The following CAST variants were observed in gnomAD, a reference collection of about 807,000 sequenced individuals.
CAST encodes MIR583 host.
CAST carries 76 observed loss-of-function variants against 119.6 expected under a neutral mutation model. That is an observed-to-expected ratio of 0.64 (90% CI 0.53 to 0.77). CAST has a LOEUF of 0.77. Among genes scored for constraint, CAST ranks in the 30% least tolerant of loss-of-function variants. The pLI, the probability that CAST is intolerant of heterozygous loss-of-function variation, is 0.00. For synonymous variants in CAST, 319 were observed against 331.6 expected (o/e 0.96, Z 0.41); for missense variants, 953 against 946.5 (o/e 1.01, Z -0.09).
intron 1 of CAST, among the ~76,000 whole-genome samples, chr5:96,561,827 C>T (rs1241354180): frequency 1.0e-5 from 1 of 97,126 alleles, no homozygotes; most frequent in Non-Finnish European, 1.9e-5. Flanking sequence ...GAGTCTCGCT[C>T]TGTCGCCCAG....
chr5:96,365,618 T>C, the CAST span, among the ~76,000 whole-genome samples: 1 of 152,236 alleles, frequency 6.6e-6, no homozygotes, highest in Non-Finnish European at 1.5e-5. Context: ...TGGTTTAAAG[T>C]CTGTTTTATC....
At chr5:96,565,559 G>A (rs569490321) in intron 1 of CAST, among the ~76,000 whole-genome samples, 2 of 152,240 alleles carry the variant, frequency 1.3e-5, no homozygotes, top group African/African-American at 4.8e-5. Flanking sequence ...ATGATCCTTG[G>A]ACCACTATAA....
chr5:96,221,058 C>T, the CAST span, among the ~76,000 whole-genome samples: 4 of 152,152 alleles, frequency 2.6e-5, no homozygotes, highest in Non-Finnish European at 5.9e-5. Context: ...ACTTGAATGT[C>T]ACTTTGCCCT....
intron 2 of CAST, among the ~76,000 whole-genome samples, chr5:96,691,346 A>T (rs551189498): frequency 2.6e-5 from 4 of 151,738 alleles, no homozygotes; most frequent in African/African-American, 9.6e-5. Flanking sequence ...TCTCAAAAAA[A>T]TCAAACTGTT....
chr5:96,667,385 A>G (rs753430656), intron 1 of CAST, among the ~76,000 whole-genome samples: 13 of 152,228 alleles, frequency 8.5e-5, no homozygotes, highest in Non-Finnish European at 1.3e-4. Context: ...CATTTCTCAT[A>G]GATAAAACTA....
At chr5:96,633,847 A>G (rs2150202277) in intron 1 of CAST, among the ~76,000 whole-genome samples, 1 of 152,322 alleles carries the variant, frequency 6.6e-6, no homozygotes, top group East Asian at 1.9e-4. Flanking sequence ...CACACTCTAC[A>G]TCAGTCGTTC....
At chr5:96,517,592 G>A in the CAST span, among the ~76,000 whole-genome samples, 1 of 152,212 alleles carries the variant, frequency 6.6e-6, no homozygotes, top group Non-Finnish European at 1.5e-5. Flanking sequence ...AGCTGGAGAC[G>A]AGTTGTGTCA....
the CAST span, among the ~76,000 whole-genome samples, chr5:96,121,826 G>C: frequency 6.6e-6 from 1 of 152,022 alleles, no homozygotes; most frequent in Non-Finnish European, 1.5e-5. Flanking sequence ...TACTAAGCAA[G>C]GTGCTTTGAT....
At chr5:96,203,480 CAT>C in the CAST span, among the ~76,000 whole-genome samples, 17 of 151,980 alleles carry the variant, frequency 1.1e-4, no homozygotes, top group African/African-American at 3.1e-4. Context: ...AAATTTGTGA[CAT>C]ATGTGTTTAT....
the CAST span, among the ~76,000 whole-genome samples, chr5:96,040,020 C>A: frequency 6.6e-6 from 1 of 152,134 alleles, no homozygotes. Flanking sequence ...AATGTTTTTA[C>A]ATTTGTTTGT....
the CAST span, among the ~76,000 whole-genome samples, chr5:96,156,847 GT>G: frequency 6.6e-6 from 1 of 152,152 alleles, no homozygotes; most frequent in Non-Finnish European, 1.5e-5. Context: ...TCCAGACCCA[GT>G]TTTTAGGGTG....
the CAST span, among the ~76,000 whole-genome samples, chr5:96,019,925 G>A: frequency 4.3e-3 from 650 of 152,190 alleles, 5 homozygotes; most frequent in African/African-American, 0.014. Flanking sequence ...AATGTTTACC[G>A]CTTATTAAGC....
chr5:95,971,863 A>T, the CAST span, among the ~76,000 whole-genome samples: 1 of 152,252 alleles, frequency 6.6e-6, no homozygotes, highest in South Asian at 2.1e-4. Flanking sequence ...GGATATTTAC[A>T]TTATACCCAA....
At chr5:96,332,998 T>C in the CAST span, among the ~76,000 whole-genome samples, 1 of 152,198 alleles carries the variant, frequency 6.6e-6, no homozygotes, top group African/African-American at 2.4e-5. Context: ...TTGTTTGTCC[T>C]TTCTCTCTTT....
chr5:96,770,380 T>A, intron 29 of CAST, 151 bp from the exon 30 acceptor site: 1 of 591,270 alleles, frequency 1.7e-6, no homozygotes, highest in South Asian at 2.0e-5. Context: ...ACACCGTTGT[T>A]CAAAAAAAAT....
At chr5:96,770,408 A>G in intron 29 of CAST, 123 bp from the exon 30 acceptor site, 1 of 633,914 alleles carries the variant, frequency 1.6e-6, no homozygotes, top group East Asian at 2.7e-5. Context: ...AAACACCCAA[A>G]GTCTTCCATT....
the CAST span, among the ~76,000 whole-genome samples, chr5:96,055,440 T>G: frequency 6.6e-6 from 1 of 152,192 alleles, no homozygotes; most frequent in Non-Finnish European, 1.5e-5. Flanking sequence ...GAGAGCATGC[T>G]GTATTTTAGC....
the CAST span, among the ~76,000 whole-genome samples, chr5:96,310,721 A>G: frequency 6.6e-6 from 1 of 151,540 alleles, no homozygotes; most frequent in Non-Finnish European, 1.5e-5. Flanking sequence ...TTTTTGGCAT[A>G]TAATTGTTCT....
the CAST span, among the ~76,000 whole-genome samples, chr5:96,186,437 G>A: frequency 6.6e-6 from 1 of 152,090 alleles, no homozygotes; most frequent in African/African-American, 2.4e-5. Flanking sequence ...GTTTTCAAGG[G>A]GAATGCTTCC....
Sources: allele counts gnomAD v4.1 joint callset (sites outside exome capture counted in the v4.1 genomes callset), GRCh38; gene constraint gnomAD v4.1.1; transcripts MANE v1.5; gene names NCBI Gene and HGNC (gene_info 2026-07-23, HGNC 2026-07-21).